The following GRID2 variants were observed in gnomAD, a reference collection of about 807,000 sequenced individuals.
The protein encoded by GRID2 is glutamate ionotropic receptor delta type subunit 2.
A neutral mutation model predicts 114.8 loss-of-function variants in GRID2; 33 were observed. The ratio of observed to expected loss-of-function variants is 0.29; its 90% confidence interval spans 0.22 to 0.38. The LOEUF is 0.38. Among genes scored for constraint, GRID2 ranks in the 10% least tolerant of loss-of-function variants. The probability of loss-of-function intolerance (pLI) is 1.00; values close to 1 mark genes in which losing one functional copy is unlikely to be tolerated. For missense variants in GRID2, 1,184 were observed against 1,257.7 expected, an observed-to-expected ratio of 0.94 and a Z score of 0.89; for synonymous variants, 505 against 449.9, an observed-to-expected ratio of 1.12 and a Z score of -1.55.
intron 2 of GRID2, among the ~76,000 whole-genome samples, chr4:92,800,969 CATA>C (rs1740134553): frequency 6.6e-6 from 1 of 151,932 alleles, no homozygotes; most frequent in Non-Finnish European, 1.5e-5. Flanking sequence ...CATCCGGAAA[CATA>C]ATGATAAACA....
intron 2 of GRID2, among the ~76,000 whole-genome samples, chr4:92,895,952 A>G (rs542603183): frequency 6.6e-6 from 1 of 152,294 alleles, no homozygotes; most frequent in African/African-American, 2.4e-5. Flanking sequence ...TGTTGTCAGT[A>G]TTTTAGCCAT....
intron 1 of GRID2, among the ~76,000 whole-genome samples, chr4:92,381,167 T>C (rs553011347): frequency 3.3e-5 from 5 of 152,162 alleles, no homozygotes; most frequent in African/African-American, 1.2e-4. Flanking sequence ...TTGGTAACTA[T>C]TATTATCCCC....
At chr4:92,973,694 C>T (rs1753667048) in intron 2 of GRID2, among the ~76,000 whole-genome samples, 1 of 152,072 alleles carries the variant, frequency 6.6e-6, no homozygotes, top group Admixed American at 6.5e-5. Flanking sequence ...ATAAGGTAAA[C>T]TGTGATAATT....
intron 2 of GRID2, among the ~76,000 whole-genome samples, chr4:92,807,196 G>A (rs1167321436): frequency 2.6e-5 from 4 of 151,838 alleles, no homozygotes; most frequent in Admixed American, 2.0e-4. Context: ...AACAATGTGA[G>A]TTCGACTTAA....
intron 13 of GRID2, among the ~76,000 whole-genome samples, chr4:93,549,451 A>G (rs2149540124): frequency 6.6e-6 from 1 of 152,356 alleles, no homozygotes; most frequent in African/African-American, 2.4e-5. Context: ...ACAAGCTTAA[A>G]TATTTCAAAC....
At chr4:93,387,798 C>T (rs916750512) in intron 8 of GRID2, among the ~76,000 whole-genome samples, 1 of 149,686 alleles carries the variant, frequency 6.7e-6, no homozygotes, top group Non-Finnish European at 1.5e-5. Context: ...CCACTGCACT[C>T]CAGTCTGGGC....
At chr4:93,428,540 A>G (rs1186449746) in intron 10 of GRID2, among the ~76,000 whole-genome samples, 8 of 152,156 alleles carry the variant, frequency 5.3e-5, no homozygotes, top group Non-Finnish European at 8.8e-5. Flanking sequence ...AAGGATTGTA[A>G]TTTTAATTTG....
chr4:93,242,015 T>C (rs1747579849), intron 8 of GRID2, among the ~76,000 whole-genome samples: 1 of 151,796 alleles, frequency 6.6e-6, no homozygotes, highest in Non-Finnish European at 1.5e-5. Context: ...AAGAATTAGA[T>C]GGAGTACTTA....
chr4:93,039,249 A>ATC (rs1049817051), intron 2 of GRID2, among the ~76,000 whole-genome samples: 10 of 151,840 alleles, frequency 6.6e-5, no homozygotes, highest in Non-Finnish European at 1.3e-4. Context: ...GTTGTCACTC[A>ATC]TAAGTGGGAG....
chr4:93,104,481 C>T (rs1344071003), intron 3 of GRID2, among the ~76,000 whole-genome samples: 3 of 151,796 alleles, frequency 2.0e-5, no homozygotes, highest in Non-Finnish European at 4.4e-5. Context: ...CAACAGTCCC[C>T]AGAGTGTGAT....
intron 2 of GRID2, among the ~76,000 whole-genome samples, chr4:92,686,359 G>A (rs1733906418): frequency 6.6e-6 from 1 of 151,986 alleles, no homozygotes; most frequent in Admixed American, 6.5e-5. Context: ...CTGTTATGTG[G>A]GAATTTTCTA....
At chr4:93,116,771 A>G (rs13113786) in intron 4 of GRID2, among the ~76,000 whole-genome samples, 59,496 of 151,370 alleles carry the variant, frequency 0.39, 12,051 homozygotes, top group Admixed American at 0.54. Flanking sequence ...TTTCTTACAG[A>G]GAAAACATCT....
At chr4:93,752,893 C>G (rs985346310) in intron 14 of GRID2, among the ~76,000 whole-genome samples, 1 of 152,130 alleles carries the variant, frequency 6.6e-6, no homozygotes, top group African/African-American at 2.4e-5. Context: ...TGTGCTCACT[C>G]AACACCTGGT....
At chr4:93,789,532 C>G (rs2110357375) in intron 1 of GRID2, among the ~76,000 whole-genome samples, 1 of 152,270 alleles carries the variant, frequency 6.6e-6, no homozygotes, top group African/African-American at 2.4e-5. Flanking sequence ...CAGCATACAG[C>G]ACAAAAAAGT....
At chr4:93,099,043 G>A (rs1002477774) in intron 3 of GRID2, among the ~76,000 whole-genome samples, 1 of 136,944 alleles carries the variant, frequency 7.3e-6, no homozygotes, top group African/African-American at 2.6e-5. Context: ...TACACATAGG[G>A]ATTTTTATCC....
intron 13 of GRID2, among the ~76,000 whole-genome samples, chr4:93,612,851 G>A (rs1364827971): frequency 4.1e-4 from 53 of 130,116 alleles, no homozygotes; most frequent in Non-Finnish European, 7.1e-4. Flanking sequence ...GAATCTGAAC[G>A]TTGGCCTGCC....
At chr4:92,437,805 C>T (rs909393501) in intron 1 of GRID2, among the ~76,000 whole-genome samples, 15 of 152,176 alleles carry the variant, frequency 9.9e-5, no homozygotes, top group Non-Finnish European at 1.9e-4. Context: ...TGGATTGCTT[C>T]GGCTCAAGGT....
At chr4:92,310,001 G>GA (rs201179324) in intron 1 of GRID2, among the ~76,000 whole-genome samples, 60 of 148,946 alleles carry the variant, frequency 4.0e-4, no homozygotes, top group Non-Finnish European at 5.5e-4. Flanking sequence ...GAGTTGTGGG[G>GA]AAAAAAAAAC....
At chr4:93,571,655 A>C (rs1367993225) in intron 13 of GRID2, among the ~76,000 whole-genome samples, 1 of 144,860 alleles carries the variant, frequency 6.9e-6, no homozygotes, top group Non-Finnish European at 1.6e-5. Flanking sequence ...ATTGTTGCTT[A>C]TCATAAACCT....
Sources: allele counts gnomAD v4.1 joint callset (sites outside exome capture counted in the v4.1 genomes callset), GRCh38; gene constraint gnomAD v4.1.1; transcripts MANE v1.5; gene names NCBI Gene and HGNC (gene_info 2026-07-23, HGNC 2026-07-21).